Variants in FBXL20 observed in about 807,000 individuals in gnomAD.
FBXL20 encodes the protein F-box/LRR-repeat protein 20.
FBXL20 carries 11 observed loss-of-function variants against 64.0 expected under a neutral mutation model. The observed-to-expected ratio is 0.17, with a 90% CI of 0.11 to 0.28. The LOEUF (loss-of-function observed/expected upper bound fraction) is 0.28. Ranked by LOEUF, FBXL20 falls within the 10% of genes least tolerant of loss-of-function variation. The probability of loss-of-function intolerance (pLI) is 1.00; values close to 1 mark genes in which losing one functional copy is unlikely to be tolerated. For synonymous variants in FBXL20, 184 were observed against 189.0 expected (o/e 0.97, Z 0.22); for missense variants, 303 against 526.2 (o/e 0.58, Z 4.15).
At chr17:39,284,441 C>T (rs144229883) in intron 7 of FBXL20, among the ~76,000 whole-genome samples, 4 of 152,264 alleles carry the variant, frequency 2.6e-5, no homozygotes, top group Admixed American at 6.5e-5. Flanking sequence ...AGTGCAGTGG[C>T]ACGATTACAG....
intron 2 of FBXL20, among the ~76,000 whole-genome samples, chr17:39,335,131 C>CA (rs1193789306): frequency 1.3e-5 from 2 of 152,134 alleles, no homozygotes; most frequent in East Asian, 3.8e-4. Context: ...GGTCACTAGA[C>CA]AGATAATCTC....
At chr17:39,296,168 A>T (rs928886452) in intron 6 of FBXL20, among the ~76,000 whole-genome samples, 2 of 152,164 alleles carry the variant, frequency 1.3e-5, no homozygotes, top group Non-Finnish European at 2.9e-5. Flanking sequence ...AATTTATCTA[A>T]AGTAAATGTA....
At chr17:39,295,402 G>A (rs1366955007) in intron 6 of FBXL20, among the ~76,000 whole-genome samples, 1 of 151,906 alleles carries the variant, frequency 6.6e-6, no homozygotes, top group African/African-American at 2.4e-5. Context: ...AAGTAGCTGG[G>A]ATGTGCCACC....
intron 1 of FBXL20, among the ~76,000 whole-genome samples, chr17:39,391,655 T>G (rs2048134869): frequency 6.6e-6 from 1 of 152,158 alleles, no homozygotes; most frequent in African/African-American, 2.4e-5. Flanking sequence ...TGTCATTGTC[T>G]CCTTATCCAA....
In FBXL20 at chr17:39,301,726, TG is replaced by T; in HGVS notation, c.160-652del. On this transcript the variant is annotated intron_variant, in intron 3 of 14. Coordinates refer to ENST00000264658, the MANE Select transcript of FBXL20 (RefSeq NM_032875.3). ...CTGGGCGACAGAGCGAAACTTCATC[TG>T]GGGGGGAAAAATTAAAAAAATTAGT... Among the ~76,000 whole-genome samples the T allele has an allele frequency of 2.0e-5, 3 of 148,792 alleles. No individual in the cohort carries two copies. In the South Asian group the frequency reaches 6.5e-4, roughly 32 times the overall value.
intron 1 of FBXL20, among the ~76,000 whole-genome samples, chr17:39,378,899 C>T (rs558637740): frequency 6.6e-6 from 1 of 151,034 alleles, no homozygotes; most frequent in African/African-American, 2.4e-5. Flanking sequence ...GCGTGAGCCA[C>T]CGCGCCCGGC....
At chr17:39,270,443 C>T (rs1478251654) in intron 11 of FBXL20, among the ~76,000 whole-genome samples, 1 of 152,088 alleles carries the variant, frequency 6.6e-6, no homozygotes, top group East Asian at 1.9e-4. Context: ...ACTCGGGAGG[C>T]TGAGGCAGGA....
At chr17:39,355,997 T>C (rs1229462651) in intron 1 of FBXL20, among the ~76,000 whole-genome samples, 1 of 151,622 alleles carries the variant, frequency 6.6e-6, no homozygotes, top group Non-Finnish European at 1.5e-5. Flanking sequence ...GGGTGGATCA[T>C]GAGGTCAGGA....
At chr17:39,274,454 C>T (rs911568873) in intron 10 of FBXL20, among the ~76,000 whole-genome samples, 15 of 152,108 alleles carry the variant, frequency 9.9e-5, no homozygotes, top group Admixed American at 2.0e-4. Flanking sequence ...AGCAACACAG[C>T]CTGACCCCAT....
At chr17:39,383,367 T>A (rs1348720380) in intron 1 of FBXL20, among the ~76,000 whole-genome samples, 2 of 151,962 alleles carry the variant, frequency 1.3e-5, no homozygotes, top group Non-Finnish European at 2.9e-5. Context: ...ATGCCTATAA[T>A]CTTAACATTT....
At chr17:39,291,193 C>A (rs2144414027) in intron 6 of FBXL20, among the ~76,000 whole-genome samples, 1 of 152,048 alleles carries the variant, frequency 6.6e-6, no homozygotes, top group Non-Finnish European at 1.5e-5. Context: ...CATCTCCTGA[C>A]CTCGTGATCA....
intron 9 of FBXL20, 85 bp downstream of exon 9, chr17:39,281,304 G>C (rs1184811585): frequency 1.6e-6 from 2 of 1,226,176 alleles, no homozygotes; most frequent in Non-Finnish European, 2.4e-6. Context: ...TACTGGTCTT[G>C]ATGACTGAAG....
At chr17:39,392,489 T>G (rs1286504009) in intron 1 of FBXL20, among the ~76,000 whole-genome samples, 3 of 151,870 alleles carry the variant, frequency 2.0e-5, no homozygotes, top group Non-Finnish European at 2.9e-5. Context: ...TAGCTCTTTT[T>G]CAATAAGTGC....
At chr17:39,270,994 A>G (rs2046838726) in intron 10 of FBXL20, 138 bp from the exon 11 acceptor site, 1 of 688,366 alleles carries the variant, frequency 1.5e-6, no homozygotes, top group Non-Finnish European at 2.4e-6. Context: ...TTAACAACTA[A>G]GCAAGTCTGT....
At chr17:39,284,267 T>C (rs1238444198) in intron 7 of FBXL20, among the ~76,000 whole-genome samples, 1 of 152,234 alleles carries the variant, frequency 6.6e-6, no homozygotes, top group Admixed American at 6.5e-5. Context: ...AAAGTTGTTA[T>C]ATTATCAAGT....
intron 9 of FBXL20, among the ~76,000 whole-genome samples, chr17:39,276,221 G>GAAAAAAAAAA (rs1215336803): frequency 4.0e-3 from 244 of 60,322 alleles, no homozygotes; most frequent in African/African-American, 4.5e-3. Context: ...AGCAAGAAAA[G>GAAAAAAAAAA]AAAAAAAAAA....
At chr17:39,352,946 T>C (rs776376955) in intron 1 of FBXL20, among the ~76,000 whole-genome samples, 6 of 152,178 alleles carry the variant, frequency 3.9e-5, no homozygotes. Flanking sequence ...AAGTGCCATG[T>C]ACACTTTCAG....
intron 2 of FBXL20, among the ~76,000 whole-genome samples, chr17:39,311,074 G>A (rs772335321): frequency 8.0e-4 from 121 of 152,092 alleles, no homozygotes; most frequent in Non-Finnish European, 9.9e-4. Flanking sequence ...GGCCAAGGTG[G>A]GAGGATCACT....
intron 1 of FBXL20, among the ~76,000 whole-genome samples, chr17:39,384,090 C>A (rs1261367082): frequency 6.6e-6 from 1 of 151,832 alleles, no homozygotes; most frequent in Non-Finnish European, 1.5e-5. Flanking sequence ...AAAAAATCAG[C>A]CAGGCATGGC....
Sources: allele counts gnomAD v4.1 joint callset (sites outside exome capture counted in the v4.1 genomes callset), GRCh38; gene constraint gnomAD v4.1.1; transcripts MANE v1.5; gene names NCBI Gene and HGNC (gene_info 2026-07-23, HGNC 2026-07-21).